Variants in MAF observed in about 807,000 individuals in gnomAD.
The protein encoded by MAF is transcription factor Maf.
A neutral mutation model predicts 22.0 loss-of-function variants in MAF; 10 were observed. That is an observed-to-expected ratio of 0.45 (90% CI 0.28 to 0.77). MAF has a LOEUF of 0.77. MAF is among the 30% of genes least tolerant of loss of function. The probability of loss-of-function intolerance (pLI) is 0.12; values close to 1 mark genes in which losing one functional copy is unlikely to be tolerated. For synonymous variants in MAF, 337 were observed against 255.8 expected (o/e 1.32, Z -3.03); for missense variants, 544 against 548.4 (o/e 0.99, Z 0.08).
chr16:79,597,919 T>A (rs1298176479), intron 1 of MAF: 3 of 1,039,552 alleles, frequency 2.9e-6, no homozygotes, highest in South Asian at 9.2e-5. Flanking sequence ...TGAGTTTTTT[T>A]AATGGCAGAC....
At chr16:79,296,293 C>CT in the MAF span, among the ~76,000 whole-genome samples, 4 of 152,206 alleles carry the variant, frequency 2.6e-5, no homozygotes, top group Non-Finnish European at 5.9e-5. Context: ...AAGGATTAAT[C>CT]TTTTTAAAAA....
chr16:79,333,009 G>T, the MAF span, among the ~76,000 whole-genome samples: 2 of 152,222 alleles, frequency 1.3e-5, no homozygotes, highest in Admixed American at 6.5e-5. Flanking sequence ...AGCTGGACTG[G>T]CGCACAGCAG....
chr16:79,446,217 G>T, the MAF span, among the ~76,000 whole-genome samples: 2 of 152,164 alleles, frequency 1.3e-5, no homozygotes, highest in African/African-American at 4.8e-5. Flanking sequence ...TCTGGGAGAG[G>T]CACTGGGTAT....
At chr16:79,551,273 C>T in the MAF span, among the ~76,000 whole-genome samples, 11 of 152,130 alleles carry the variant, frequency 7.2e-5, no homozygotes, top group Non-Finnish European at 1.3e-4. Flanking sequence ...TCCTCTCCAT[C>T]AGAAAGCCAA....
At chr16:79,330,715 A>C in the MAF span, among the ~76,000 whole-genome samples, 4 of 152,218 alleles carry the variant, frequency 2.6e-5, no homozygotes, top group African/African-American at 4.8e-5. Flanking sequence ...CACAGTGCTT[A>C]CAAATTTGAG....
the MAF span, among the ~76,000 whole-genome samples, chr16:79,382,920 G>T: frequency 6.6e-6 from 1 of 152,134 alleles, no homozygotes; most frequent in South Asian, 2.1e-4. Context: ...ATGAAATTTG[G>T]CCTTTCGAGC....
chr16:79,348,341 A>G, the MAF span, among the ~76,000 whole-genome samples: 1 of 152,256 alleles, frequency 6.6e-6, no homozygotes, highest in Non-Finnish European at 1.5e-5. Flanking sequence ...TAGATAGTGG[A>G]CAGGATAATG....
chr16:79,263,650 T>A, the MAF span, among the ~76,000 whole-genome samples: 1 of 152,174 alleles, frequency 6.6e-6, no homozygotes, highest in African/African-American at 2.4e-5. Flanking sequence ...AACCATAGGG[T>A]TTTTAAACCT....
At chr16:79,516,110 C>G in the MAF span, 1 of 152,094 alleles carries the variant, frequency 6.6e-6, no homozygotes, top group African/African-American at 2.4e-5. Flanking sequence ...GGCCGAAAGC[C>G]AGCAAGGCAG....
chr16:79,261,484 C>G, the MAF span, among the ~76,000 whole-genome samples: 1 of 152,214 alleles, frequency 6.6e-6, no homozygotes, highest in Non-Finnish European at 1.5e-5. Context: ...ACAGGAGCTT[C>G]TACATGGTAG....
chr16:79,531,185 GGT>G, the MAF span, among the ~76,000 whole-genome samples: 2 of 152,188 alleles, frequency 1.3e-5, no homozygotes, highest in Non-Finnish European at 2.9e-5. Flanking sequence ...CCCTTGCCTA[GGT>G]GGTTCAAAGG....
chr16:79,458,399 T>C, the MAF span, among the ~76,000 whole-genome samples: 49 of 152,306 alleles, frequency 3.2e-4, no homozygotes, highest in South Asian at 9.3e-3. Context: ...AGAAACCATG[T>C]GGCCCTCAGA....
chr16:79,211,560 C>G, the MAF span: 5 of 1,612,750 alleles, frequency 3.1e-6, no homozygotes, highest in South Asian at 4.4e-5. Context: ...GCCATCTCAT[C>G]ACTCCTTTTC....
the MAF span, among the ~76,000 whole-genome samples, chr16:79,394,233 G>C: frequency 3.9e-5 from 6 of 152,184 alleles, no homozygotes; most frequent in Non-Finnish European, 7.3e-5. Context: ...TCTAAATTCA[G>C]TCTGGGGCAG....
At chr16:79,598,402 C>G in intron 1 of MAF, 1 of 1,214,488 alleles carries the variant, frequency 8.2e-7, no homozygotes, top group Non-Finnish European at 1.0e-6. Context: ...ACATGAAGAA[C>G]TCTGCTGAGA....
chr16:79,569,302 A>G, the MAF span, among the ~76,000 whole-genome samples: 1 of 152,192 alleles, frequency 6.6e-6, no homozygotes, highest in Non-Finnish European at 1.5e-5. Flanking sequence ...TTGGCAACCA[A>G]AAATGCCTTC....
At chr16:79,494,607 A>G in the MAF span, among the ~76,000 whole-genome samples, 10 of 152,244 alleles carry the variant, frequency 6.6e-5, no homozygotes, top group African/African-American at 2.2e-4. Flanking sequence ...TTCCTAGGGG[A>G]AAAAAACCCC....
chr16:79,599,190 C>T lies in MAF; in HGVS notation c.713G>A (p.Gly238Asp), dbSNP rs1397647728. 3 of 1,062,126 alleles carry T rather than the reference C, an allele frequency of 2.8e-6. No homozygotes were observed. Among genetic ancestry groups the T allele is most frequent in the Non-Finnish European group, 2.3e-6 (2 of 879,372 alleles). 65.8% of individuals were successfully genotyped at this position (1,062,126 alleles called of 1,614,324 possible). Residue 238 changes from glycine (G) to aspartate (D), a missense_variant, in exon 1 of 2, where the codon GGC becomes GAC. This residue lies in a region of MAF where 342 missense variants were observed against 315.5 expected (regional missense o/e 1.08). Transcript: ENST00000326043. Reference sequence around the variant, plus strand: ...CAGGGCGCCCCCCGCCCCCGCCGCGCCCCCGCCGCCTCCGCCGCCGCCGCC... The same window carrying T: ...CAGGGCGCCCCCCGCCCCCGCCGCGTCCCCGCCGCCTCCGCCGCCGCCGCC... The part of the protein sequence containing the change: ...GGGGGGGGGG[G>D]AAGAGGALHP...
chr16:79,600,170 G>A lies in MAF; in HGVS notation c.-268C>T. On this transcript the variant is annotated 5_prime_UTR_variant, in exon 1 of 2. Transcript: ENST00000326043. ...CGCCCCGGCCCCTCCTTGCTCGCTCGCCTCCTTGCGCGCCGAGCCGGCGGC... is the reference window on the plus strand; with the variant it reads ...CGCCCCGGCCCCTCCTTGCTCGCTCACCTCCTTGCGCGCCGAGCCGGCGGC... 2.5e-6 allele frequency: 1 copy of A among 399,606 alleles called. No homozygotes were observed. The highest frequency in any genetic ancestry group is 4.4e-6 in the Non-Finnish European group (1 of 225,622). The allele number at this position is 399,606 out of a possible 1,614,324, so 24.8% of individuals were successfully genotyped here.
Sources: gnomAD v4.1 joint callset for allele counts (sites outside exome capture counted in the v4.1 genomes callset) on GRCh38, gnomAD v4.1.1 for gene constraint, gnomAD v4.1.1 regional missense constraint, MANE v1.5 for transcripts, NCBI Gene and HGNC (gene_info 2026-07-23, HGNC 2026-07-21) for gene names.